The following RASGRP2 variants were observed in gnomAD, a reference collection of about 807,000 sequenced individuals.
The protein encoded by RASGRP2 is RAS guanyl-releasing protein 2.
Under a neutral mutation model 71.0 loss-of-function variants are expected in RASGRP2, and 44 were observed. That is an observed-to-expected ratio of 0.62 (90% CI 0.49 to 0.80). The LOEUF is 0.80. RASGRP2 is among the 30% of genes least tolerant of loss of function. RASGRP2 has a pLI of 0.00. For missense variants in RASGRP2, 663 were observed against 813.4 expected (o/e 0.82, Z 2.25); for synonymous variants, 350 against 330.7 (o/e 1.06, Z -0.63).
intron 12 of RASGRP2, among the ~76,000 whole-genome samples, chr11:64,734,162 A>G (rs1471674409): frequency 2.0e-5 from 3 of 151,828 alleles, no homozygotes; most frequent in Non-Finnish European, 4.4e-5. Context: ...AAATACAAAA[A>G]TTAGCCAGGC....
chr11:64,733,060 G>A (rs2057812629), intron 12 of RASGRP2, among the ~76,000 whole-genome samples: 1 of 152,004 alleles, frequency 6.6e-6, no homozygotes, highest in Non-Finnish European at 1.5e-5. Flanking sequence ...GGGAGGCAGA[G>A]GTTGCAGTGA....
At chr11:64,737,265 G>C (rs746121819) in intron 8 of RASGRP2, 28 of 577,026 alleles carry the variant, frequency 4.9e-5, no homozygotes, top group South Asian at 2.4e-4. Flanking sequence ...ACCAGGCCTG[G>C]ATGCAGGGAA....
In RASGRP2 at chr11:64,738,382, G is replaced by A. The variant is rs1368156244; in HGVS notation, c.813+978C>T. Reference sequence around the variant, plus strand: ...AAGGTTCTATTTCCCAACCCGGGCAGTAGTTACACAGTGTTTTCTTTACAA... The same window carrying A: ...AAGGTTCTATTTCCCAACCCGGGCAATAGTTACACAGTGTTTTCTTTACAA... On this transcript the variant is annotated intron_variant, in intron 8 of 16. Transcript: ENST00000394432. Among the ~76,000 whole-genome samples, 8 of 152,118 alleles carry A rather than the reference G, an allele frequency of 5.3e-5. 1 individual carries two copies. The highest frequency in any genetic ancestry group is 5.2e-4 in the Admixed American group (8 of 15,264).
At chr11:64,741,665 G>C (rs1214608554) in intron 3 of RASGRP2, 164 bp from the exon 4 acceptor site, 1 of 729,944 alleles carries the variant, frequency 1.4e-6, no homozygotes, top group Non-Finnish European at 2.4e-6. Context: ...GGTTGGAGGT[G>C]GGGGTGGAGG....
rs1309619333 is a variant in RASGRP2 at position 64,741,997 on chromosome 11, C to G, written c.176+13G>C. 30 of 1,599,698 alleles carry G rather than the reference C, an allele frequency of 1.9e-5. No homozygotes were observed. Among genetic ancestry groups the G allele is most frequent in the Non-Finnish European group, 2.5e-5 (29 of 1,173,406 alleles). ...CCGACGGCGGGGGCCTTGGCAAGGC[C>G]GGCGAAGGATATATGTGGAGCAGCT... On this transcript the variant is annotated intron_variant, in intron 3 of 16. Coordinates refer to ENST00000394432, the MANE Select transcript of RASGRP2 (RefSeq NM_001098671.2).
At chr11:64,741,208 C>T in intron 4 of RASGRP2, 129 bp from the exon 5 acceptor site, 2 of 1,268,658 alleles carry the variant, frequency 1.6e-6, no homozygotes, top group Non-Finnish European at 2.2e-6. Context: ...CTCTTTCCTT[C>T]GCCACTCCAA....
intron 12 of RASGRP2, 43 bp from the exon 13 acceptor site, chr11:64,730,237 G>A (rs2057722227): frequency 1.9e-6 from 3 of 1,551,000 alleles, no homozygotes; most frequent in African/African-American, 1.4e-5. Flanking sequence ...GCCCTCCCCA[G>A]AACCATCCAC....
chr11:64,739,789 G>T lies in RASGRP2; in HGVS notation c.543C>A (p.Phe181Leu). The T allele has an allele frequency of 3.7e-6, 6 of 1,613,902 alleles. No homozygotes were observed. Among genetic ancestry groups the T allele is most frequent in the Non-Finnish European group, 5.1e-6 (6 of 1,179,942 alleles). Residue 181 changes from phenylalanine (F) to leucine (L), a missense_variant, in exon 7 of 17, where the codon TTC (phenylalanine) becomes TTA (leucine). By Grantham distance (22) the Phe-to-Leu change is conservative. Coordinates refer to ENST00000394432, the MANE Select transcript of RASGRP2 (RefSeq NM_001098671.2). This position sits in a 1 kb window ranked among gnomAD's most constrained non-coding sequence, Gnocchi z 4.2. ...CKILFQDYHS[F>L]VTHGCTVDNP... ...TGTCCACAGTGCAGCCATGAGTCACGAAACTGTGATAGTCCTGAAACTGGG... is the reference window on the plus strand; with the variant it reads ...TGTCCACAGTGCAGCCATGAGTCACTAAACTGTGATAGTCCTGAAACTGGG...
At position 64,735,011 on chromosome 11, in the gene RASGRP2, C is replaced by T; in HGVS notation, c.1412+101G>A. On this transcript the variant is annotated intron_variant, in intron 12 of 16. Transcript: ENST00000394432. This position sits in a 1 kb window ranked among gnomAD's most constrained non-coding sequence, Gnocchi z 4.2. ...CACTGGCAGCTTCCCAGGCCAAGAT[C>T]ATCTGGCTCAGTGACCTCATCTTGC... 2 of 959,794 alleles carry T rather than the reference C, an allele frequency of 2.1e-6. No individual in the cohort carries two copies. Among genetic ancestry groups the T allele is most frequent in the Non-Finnish European group, 3.4e-6 (2 of 591,994 alleles). The allele number at this position is 959,794 out of a possible 1,614,324, so 59.5% of individuals were successfully genotyped here.
chr11:64,735,782 C>T lies in RASGRP2; in HGVS notation c.1174-118G>A. On this transcript the variant is annotated intron_variant, in intron 10 of 16. Transcript: ENST00000394432. The surrounding 1 kb of genome is among the most constrained non-coding windows in gnomAD (Gnocchi z 4.2). ...CTGCCCAACACTACTGCCCTACCCC[C>T]AGGATGCCTCTGTCCTACAAGATGG... 2 of 1,479,172 alleles carry T rather than the reference C, an allele frequency of 1.4e-6. No homozygotes were observed. The highest frequency in any genetic ancestry group is 1.2e-5 in the South Asian group (1 of 83,332). 91.6% of individuals were successfully genotyped at this position (1,479,172 alleles called of 1,614,324 possible).
In RASGRP2 at chr11:64,735,460, G is replaced by A; in HGVS notation, c.1296+82C>T. Reference sequence around the variant, plus strand: ...GGGGCTGAGTGCTGGGTCTTGAACAGGACACTCGTGCTGGCTTCCAGGGCA... The same window carrying A: ...GGGGCTGAGTGCTGGGTCTTGAACAAGACACTCGTGCTGGCTTCCAGGGCA... On this transcript the variant is annotated intron_variant, in intron 11 of 16. Coordinates refer to ENST00000394432, the MANE Select transcript of RASGRP2 (RefSeq NM_001098671.2). This position sits in a 1 kb window ranked among gnomAD's most constrained non-coding sequence, Gnocchi z 4.2. 1 of 1,605,330 alleles carries A rather than the reference G, an allele frequency of 6.2e-7. No individual in the cohort carries two copies. Among genetic ancestry groups the A allele is most frequent in the Non-Finnish European group, 8.5e-7 (1 of 1,177,430 alleles).
At chr11:64,732,643 C>T (rs963951417) in intron 12 of RASGRP2, among the ~76,000 whole-genome samples, 2 of 151,856 alleles carry the variant, frequency 1.3e-5, no homozygotes, top group Admixed American at 6.6e-5. Flanking sequence ...TAGCCGGGCA[C>T]GGTGGTGGGT....
In RASGRP2 at chr11:64,743,965, G is replaced by A; in HGVS notation, c.-72+38C>T. On this transcript the variant is annotated intron_variant, in intron 1 of 16. Coordinates refer to ENST00000394432, the MANE Select transcript of RASGRP2 (RefSeq NM_001098671.2). The surrounding 1 kb of genome is among the most constrained non-coding windows in gnomAD (Gnocchi z 4.9). ...TCACACACAATGGCACCCACACCCT[G>A]TGCACACCTGCACGAAGAAACCCTC... 2.0e-6 allele frequency: 2 copies of A among 992,496 alleles called. No individual in the cohort carries two copies. The highest frequency in any genetic ancestry group is 4.2e-5 in the South Asian group (1 of 23,836). 61.5% of individuals were successfully genotyped at this position (992,496 alleles called of 1,614,324 possible).
intron 12 of RASGRP2, among the ~76,000 whole-genome samples, chr11:64,731,955 T>C (rs1473542684): frequency 2.0e-5 from 3 of 152,212 alleles, no homozygotes; most frequent in Non-Finnish European, 4.4e-5. Context: ...ACAGAAATAC[T>C]GGCCTGAGTG....
Position 64,742,679 on chromosome 11 carries a change from C to A in RASGRP2, c.73+115G>T. The A allele has an allele frequency of 7.2e-7, 1 of 1,382,228 alleles. No individual in the cohort carries two copies. Among genetic ancestry groups the A allele is most frequent in the Non-Finnish European group, 1.0e-6 (1 of 1,000,540 alleles). 85.6% of individuals were successfully genotyped at this position (1,382,228 alleles called of 1,614,324 possible). On this transcript the variant is annotated intron_variant, in intron 2 of 16. Coordinates refer to ENST00000394432, the MANE Select transcript of RASGRP2 (RefSeq NM_001098671.2). The surrounding 1 kb of genome is among the most constrained non-coding windows in gnomAD (Gnocchi z 4.7). ...CTTTCGTTAAAGAGACTGCACGCTG[C>A]GGAGCAGGGTGGGTCCGGGTCAGGG... is the stretch of plus-strand genomic sequence containing the variant.
rs2135770232 is a variant in RASGRP2, at chr11:64,737,692, AAAAG to A, written c.814-662_814-659del. On this transcript the variant is annotated intron_variant, in intron 8 of 16. Transcript: ENST00000394432. ...AGACTCCATCTCAAAAAAAAAAAAA[AAAAG>A]AAAGAAAAAGAAAGAAAGAAAAGAA... Among the ~76,000 whole-genome samples, 2 of 151,048 alleles carry A rather than the reference AAAAG, an allele frequency of 1.3e-5. 1 individual carries two copies. The highest frequency in any genetic ancestry group is 4.2e-4 in the South Asian group (2 of 4,766).
In RASGRP2 at chr11:64,735,378, C is replaced by A. The variant is rs2057898393; in HGVS notation, c.1297-151G>T. The A allele has an allele frequency of 7.2e-7, 1 of 1,383,384 alleles. No individual in the cohort carries two copies. The highest frequency in any genetic ancestry group is 1.4e-5 in the African/African-American group (1 of 70,356). The allele number at this position is 1,383,384 out of a possible 1,614,324, so 85.7% of individuals were successfully genotyped here. A position where few individuals can be genotyped will look rare whatever the true frequency, so the allele number is the denominator to read the frequency against. ...CCCCGTTCCATACCTCCACCCCCAC[C>A]CTACCCAGGGGCACTTCAGCCCCGT... On this transcript the variant is annotated intron_variant, in intron 11 of 16. Coordinates refer to ENST00000394432, the MANE Select transcript of RASGRP2 (RefSeq NM_001098671.2). This position sits in a 1 kb window ranked among gnomAD's most constrained non-coding sequence, Gnocchi z 4.2.
chr11:64,743,045 A>G lies in RASGRP2; in HGVS notation c.-71-108T>C. On this transcript the variant is annotated intron_variant, in intron 1 of 16. Coordinates refer to ENST00000394432, the MANE Select transcript of RASGRP2 (RefSeq NM_001098671.2). This position sits in a 1 kb window ranked among gnomAD's most constrained non-coding sequence, Gnocchi z 4.9. ...CACGCCCCCTGCTGGACAGGGGCGG[A>G]GTTGTCCCCCGCGGCCACTCCCGGG... 1 of 1,268,438 alleles carries G rather than the reference A, an allele frequency of 7.9e-7. No individual in the cohort carries two copies. Among genetic ancestry groups the G allele is most frequent in the Non-Finnish European group, 1.1e-6 (1 of 906,434 alleles). The allele number at this position is 1,268,438 out of a possible 1,614,324, so 78.6% of individuals were successfully genotyped here. A position where few individuals can be genotyped will look rare whatever the true frequency, so the allele number is the denominator to read the frequency against.
chr11:64,740,351 A>G, intron 5 of RASGRP2, 188 bp from the exon 6 acceptor site: 3 of 733,774 alleles, frequency 4.1e-6, no homozygotes, highest in Non-Finnish European at 7.4e-6. Context: ...CTCAACACAC[A>G]TTTATGAACA....
Sources: allele counts gnomAD v4.1 joint callset (sites outside exome capture counted in the v4.1 genomes callset), GRCh38; gene constraint gnomAD v4.1.1; non-coding constraint Gnocchi (gnomAD v3.1); transcripts MANE v1.5; gene names NCBI Gene and HGNC (gene_info 2026-07-23, HGNC 2026-07-21).